RNF144A: variants seen among roughly 807,000 people sequenced by gnomAD.
RNF144A encodes E3 ubiquitin-protein ligase RNF144A.
In RNF144A, 11 loss-of-function variants were observed where a neutral mutation model predicts 38.7. The ratio of observed to expected loss-of-function variants is 0.28; its 90% CI spans 0.18 to 0.47. The LOEUF is 0.47. Among genes scored for constraint, RNF144A ranks in the 20% least tolerant of loss-of-function variants. The probability of loss-of-function intolerance (pLI) is 0.99; values close to 1 mark genes in which losing one functional copy is unlikely to be tolerated. For missense variants in RNF144A, 316 were observed against 377.2 expected (o/e 0.84, Z 1.34); for synonymous variants, 149 against 143.9 (o/e 1.04, Z -0.25).
Position 7,043,694 on chromosome 2 carries a change from C to T in RNF144A, c.*3934C>T. On this transcript the variant is annotated 3_prime_UTR_variant, in exon 9 of 9. Transcript: ENST00000320892. ...TGCTAATGCTTCACAACTAGGAGAG[C>T]ATGCCGTCTTGATGTTTAAAAAACC... is the stretch of plus-strand genomic sequence containing the variant. 2 of 985,838 alleles carry T rather than the reference C, an allele frequency of 2.0e-6. No individual in the cohort carries two copies. The highest frequency in any genetic ancestry group is 2.4e-6 in the Non-Finnish European group (2 of 829,924). 61.1% of individuals were successfully genotyped at this position (985,838 alleles called of 1,614,324 possible).
intron 8 of RNF144A, 22 bp from the exon 9 acceptor site, chr2:7,039,607 C>T (rs1672919511): frequency 6.2e-7 from 1 of 1,613,452 alleles, no homozygotes; most frequent in East Asian, 2.2e-5. Context: ...CTTACCTCTA[C>T]CCCTTTGTTT....
At chr2:7,070,901 C>A (rs576522430), downstream of RNF144A, among the ~76,000 whole-genome samples, 1 of 150,604 alleles carries the variant, frequency 6.6e-6, no homozygotes, top group Non-Finnish European at 1.5e-5. Context: ...TGTGCCAATA[C>A]ATTTCTATTG....
intron 1 of RNF144A, among the ~76,000 whole-genome samples, chr2:6,924,450 C>T (rs752276615): frequency 2.6e-5 from 4 of 152,284 alleles, no homozygotes; most frequent in African/African-American, 7.2e-5. Context: ...GGTGAGGAAG[C>T]GATTGTGGAA....
chr2:6,933,786 C>G (rs1665366848), intron 1 of RNF144A, among the ~76,000 whole-genome samples: 1 of 151,502 alleles, frequency 6.6e-6, no homozygotes, highest in African/African-American at 2.4e-5. Flanking sequence ...TTTTTCTTTG[C>G]TGATATATCT....
At chr2:6,930,525 A>G (rs1665138134) in intron 1 of RNF144A, among the ~76,000 whole-genome samples, 1 of 152,038 alleles carries the variant, frequency 6.6e-6, no homozygotes, top group South Asian at 2.1e-4. Flanking sequence ...ATCTATGGGT[A>G]TATATATAAT....
chr2:7,056,712 G>T (rs1257125152), intron 6 of RNF144A, among the ~76,000 whole-genome samples: 2 of 152,066 alleles, frequency 1.3e-5, no homozygotes, highest in East Asian at 3.9e-4. Flanking sequence ...TACACATTTT[G>T]TTCAGTCCTT....
At chr2:6,951,277 GTTT>G (rs35212186) in intron 2 of RNF144A, among the ~76,000 whole-genome samples, 1 of 145,748 alleles carries the variant, frequency 6.9e-6, no homozygotes, top group Non-Finnish European at 1.5e-5. Flanking sequence ...ATGTATTCAT[GTTT>G]TTTTTTTTTT....
At chr2:6,924,749 G>A (rs548289083) in intron 1 of RNF144A, among the ~76,000 whole-genome samples, 1 of 152,380 alleles carries the variant, frequency 6.6e-6, no homozygotes, top group East Asian at 1.9e-4. Context: ...TCCTGTATAA[G>A]AGTTGAAGAA....
In RNF144A at chr2:6,944,991, AG is replaced by A; in HGVS notation, c.-12+3846del. On this transcript the variant is annotated intron_variant, in intron 2 of 8. Transcript: ENST00000320892. The surrounding 1 kb of genome is among the most constrained non-coding windows in gnomAD (Gnocchi z 4.7). Reference sequence around the variant, plus strand: ...ATTGAAGTAGCTAATTTTGAAATACAGGTTTTTGTTCTGTTTTGTTTTGTTT... The same window carrying A: ...ATTGAAGTAGCTAATTTTGAAATACAGTTTTTGTTCTGTTTTGTTTTGTTT... Among the ~76,000 whole-genome samples the A allele has an allele frequency of 6.6e-6, 1 of 152,248 alleles. No homozygotes were observed. Among genetic ancestry groups the A allele is most frequent in the South Asian group, 2.1e-4 (1 of 4,830 alleles).
At chr2:7,065,478 AG>A (rs756776536) in intron 6 of RNF144A, among the ~76,000 whole-genome samples, 8 of 152,252 alleles carry the variant, frequency 5.3e-5, no homozygotes, top group Non-Finnish European at 1.2e-4. Flanking sequence ...ATGCTGGAAA[AG>A]AAATATTATC....
rs546914539 is a variant in RNF144A, at chr2:6,952,594, G to C, written c.-12+11447G>C. Reference sequence around the variant, plus strand: ...TTGAGTCAGTTTTGTTAAGCTTTATGTATATATATATGTTATATATAAAAA... The same window carrying C: ...TTGAGTCAGTTTTGTTAAGCTTTATCTATATATATATGTTATATATAAAAA... On this transcript the variant is annotated intron_variant, in intron 2 of 8. Coordinates refer to ENST00000320892, the MANE Select transcript of RNF144A (RefSeq NM_014746.6). 4.7e-5 allele frequency among the ~76,000 whole-genome samples: 7 copies of C among 149,240 alleles called. 1 individual carries two copies. The highest frequency in any genetic ancestry group is 4.0e-4 in the Admixed American group (6 of 14,970).
intron 8 of RNF144A, 123 bp from the exon 9 acceptor site, chr2:7,039,506 A>T: frequency 6.7e-7 from 1 of 1,490,376 alleles, no homozygotes; most frequent in Middle Eastern, 1.9e-4. Flanking sequence ...ATGGATGGAT[A>T]GATGGATGGT....
In RNF144A at chr2:7,041,189, T is replaced by C. The variant is rs1188447111; in HGVS notation, c.*1429T>C. Reference sequence around the variant, plus strand: ...TCTTGTTAAACATTCTATAAAGAAGTAAAACAAAATCCTTTTATCTCAGTT... The same window carrying C: ...TCTTGTTAAACATTCTATAAAGAAGCAAAACAAAATCCTTTTATCTCAGTT... On this transcript the variant is annotated 3_prime_UTR_variant, in exon 9 of 9. Coordinates refer to ENST00000320892, the MANE Select transcript of RNF144A (RefSeq NM_014746.6). The C allele has an allele frequency of 3.1e-6, 3 of 983,544 alleles. No individual in the cohort carries two copies. The highest frequency in any genetic ancestry group is 3.6e-6 in the Non-Finnish European group (3 of 828,300). 60.9% of individuals were successfully genotyped at this position (983,544 alleles called of 1,614,324 possible).
downstream of RNF144A, among the ~76,000 whole-genome samples, chr2:7,068,930 G>A (rs73147486): frequency 2.3e-3 from 353 of 152,302 alleles, 2 homozygotes; most frequent in African/African-American, 7.8e-3. Context: ...TCCAGCCTCC[G>A]AGGTGAGTGT....
chr2:6,918,296 G>GCCGCCGA (rs1293186038), intron 1 of RNF144A: 1 of 152,330 alleles, frequency 6.6e-6, no homozygotes, highest in African/African-American at 2.4e-5. Context: ...CCAGCCTCCG[G>GCCGCCGA]CCGCCGACCC....
intron 1 of RNF144A, among the ~76,000 whole-genome samples, chr2:6,935,178 T>G (rs1333114509): frequency 6.6e-6 from 1 of 152,224 alleles, no homozygotes. Context: ...TAGCAACTAA[T>G]TCACCATCTT....
At chr2:7,016,221 T>G (rs1174616453) in intron 5 of RNF144A, among the ~76,000 whole-genome samples, 2 of 152,100 alleles carry the variant, frequency 1.3e-5, no homozygotes, top group Admixed American at 1.3e-4. Context: ...TTTATTAAAG[T>G]GTCGTATATC....
At chr2:7,030,719 AG>A (rs1411329871) in intron 8 of RNF144A, among the ~76,000 whole-genome samples, 1 of 152,104 alleles carries the variant, frequency 6.6e-6, no homozygotes, top group Non-Finnish European at 1.5e-5. Context: ...CAGACTGGGC[AG>A]GGGGATGGAT....
chr2:6,999,936 T>C (rs1346063496), intron 3 of RNF144A, among the ~76,000 whole-genome samples: 1 of 152,180 alleles, frequency 6.6e-6, no homozygotes, highest in Non-Finnish European at 1.5e-5. Context: ...TACCAAGGCA[T>C]CCCAGGTGCC....
Sources: allele counts gnomAD v4.1 joint callset (sites outside exome capture counted in the v4.1 genomes callset), GRCh38; gene constraint gnomAD v4.1.1; non-coding constraint Gnocchi (gnomAD v3.1); transcripts MANE v1.5; gene names NCBI Gene and HGNC (gene_info 2026-07-23, HGNC 2026-07-21).